SCD5: variants seen among roughly 807,000 people sequenced by gnomAD.
SCD5 encodes the protein stearoyl-CoA desaturase 5.
A neutral mutation model predicts 30.4 loss-of-function variants in SCD5; 20 were observed. The ratio of observed to expected loss-of-function variants is 0.66; its 90% CI spans 0.46 to 0.96. The LOEUF is 0.96. SCD5 is among the 40% of genes least tolerant of loss of function. SCD5 has a pLI of 0.00. For missense variants in SCD5, 381 were observed against 443.3 expected, an observed-to-expected ratio of 0.86 and a Z score of 1.26; for synonymous variants, 173 against 176.4, an observed-to-expected ratio of 0.98 and a Z score of 0.16.
chr4:82,741,862 G>C (rs1434295639), intron 1 of SCD5, among the ~76,000 whole-genome samples: 1 of 133,942 alleles, frequency 7.5e-6, no homozygotes, highest in Non-Finnish European at 1.6e-5. Context: ...GCGGGGGGGG[G>C]GAGTGGGCAG....
chr4:82,796,098 A>G (rs1304315170), intron 1 of SCD5, among the ~76,000 whole-genome samples: 10 of 151,762 alleles, frequency 6.6e-5, no homozygotes, highest in African/African-American at 2.4e-5. Flanking sequence ...GTGAAACCCC[A>G]TCTCTACTAA....
chr4:82,636,518 C>T, intron 4 of SCD5, 73 bp downstream of exon 4: 1 of 1,179,458 alleles, frequency 8.5e-7, no homozygotes, highest in Non-Finnish European at 1.2e-6. Context: ...TTTACTGATT[C>T]CACAAAACTA....
chr4:82,652,588 T>C lies in SCD5; in HGVS notation c.570-15765A>G, dbSNP rs139615146. On this transcript the variant is annotated intron_variant, in intron 3 of 4. Transcript: ENST00000319540. ...CATGCATAGAGATAAGGAAGAGGAA[T>C]TTCATATGCACATAAAAGTGTCTGG... 1.1e-4 allele frequency among the ~76,000 whole-genome samples: 16 copies of C among 152,202 alleles called. No homozygotes were observed. The East Asian group carries it at 3.1e-3, about 29-fold the overall frequency.
intron 1 of SCD5, among the ~76,000 whole-genome samples, chr4:82,728,427 G>A (rs1560545749): frequency 6.6e-6 from 1 of 152,214 alleles, no homozygotes; most frequent in African/African-American, 2.4e-5. Flanking sequence ...ATTCTGATAA[G>A]ATAGGCATAG....
intron 1 of SCD5, among the ~76,000 whole-genome samples, chr4:82,752,032 T>C (rs1721115080): frequency 6.6e-6 from 1 of 152,204 alleles, no homozygotes; most frequent in African/African-American, 2.4e-5. Flanking sequence ...CCCTGGATTG[T>C]GGATTTTAGC....
chr4:82,719,208 A>C (rs2148831620), intron 1 of SCD5, among the ~76,000 whole-genome samples: 1 of 151,908 alleles, frequency 6.6e-6, no homozygotes, highest in African/African-American at 2.4e-5. Context: ...CTTGCATGGC[A>C]ACTTTTTCCA....
chr4:82,693,246 C>G (rs563179691), intron 2 of SCD5, among the ~76,000 whole-genome samples: 1 of 152,174 alleles, frequency 6.6e-6, no homozygotes, highest in East Asian at 1.9e-4. Context: ...TTTGACCTTG[C>G]CCAGCAGTGG....
At chr4:82,725,340 C>T (rs527955753) in intron 1 of SCD5, among the ~76,000 whole-genome samples, 2 of 152,260 alleles carry the variant, frequency 1.3e-5, no homozygotes, top group East Asian at 3.9e-4. Flanking sequence ...AAAGCTATCA[C>T]TCTGTCACCA....
In SCD5 at chr4:82,641,736, G is replaced by T. The variant is rs558265512; in HGVS notation, c.570-4913C>A. 5.9e-5 allele frequency among the ~76,000 whole-genome samples: 9 copies of T among 152,272 alleles called. No individual in the cohort carries two copies. In the East Asian group the frequency reaches 1.7e-3, roughly 29 times the overall value. ...TCATAGGAGGCTGTCACATGATCCA[G>T]GTTAAAGAATATGGTGGCCTGAACC... On this transcript the variant is annotated intron_variant, in intron 3 of 4. Transcript: ENST00000319540.
In SCD5 at chr4:82,798,289, G is replaced by T. The variant is rs770557477; in HGVS notation, c.232+17C>A. On this transcript the variant is annotated intron_variant, in intron 1 of 4. Transcript: ENST00000319540. Reference sequence around the variant, plus strand: ...GGCCACGGAGGCCGGGGCGCAGGGGGCGCCGGCGGGACTTACCCCAGAGCA... The same window carrying T: ...GGCCACGGAGGCCGGGGCGCAGGGGTCGCCGGCGGGACTTACCCCAGAGCA... 3 of 1,554,958 alleles carry T rather than the reference G, an allele frequency of 1.9e-6. No individual in the cohort carries two copies. The highest frequency in any genetic ancestry group is 2.6e-6 in the Non-Finnish European group (3 of 1,151,156).
chr4:82,743,249 C>T (rs1164328087), intron 1 of SCD5, among the ~76,000 whole-genome samples: 2 of 152,198 alleles, frequency 1.3e-5, no homozygotes, highest in African/African-American at 4.8e-5. Context: ...GTGGCTCACA[C>T]CTGCAATCCC....
intron 1 of SCD5, among the ~76,000 whole-genome samples, chr4:82,770,103 T>C (rs1721586025): frequency 6.6e-6 from 1 of 152,204 alleles, no homozygotes. Context: ...GTTACATATG[T>C]ATACATGTGC....
chr4:82,780,863 C>T (rs1477317535), intron 1 of SCD5, among the ~76,000 whole-genome samples: 1 of 152,248 alleles, frequency 6.6e-6, no homozygotes, highest in Non-Finnish European at 1.5e-5. Flanking sequence ...CTGCTGCTTC[C>T]ACAGCGTCAG....
intron 1 of SCD5, among the ~76,000 whole-genome samples, chr4:82,773,021 T>C (rs935026256): frequency 6.6e-6 from 1 of 152,200 alleles, no homozygotes. Context: ...TCAGATCTCA[T>C]AGAACTGCAA....
At chr4:82,743,420 G>A (rs1720918746) in intron 1 of SCD5, among the ~76,000 whole-genome samples, 1 of 152,128 alleles carries the variant, frequency 6.6e-6, no homozygotes, top group African/African-American at 2.4e-5. Context: ...GGAGGGTGAG[G>A]CAGGAGGATC....
intron 1 of SCD5, among the ~76,000 whole-genome samples, chr4:82,730,896 C>T (rs1578042565): frequency 6.6e-6 from 1 of 151,998 alleles, no homozygotes; most frequent in Admixed American, 6.6e-5. Context: ...ATTTTTTCGT[C>T]TTCTATAAAC....
intron 4 of SCD5, among the ~76,000 whole-genome samples, chr4:82,634,043 AT>A (rs1255612093): frequency 6.6e-6 from 1 of 152,212 alleles, no homozygotes; most frequent in Admixed American, 6.5e-5. Context: ...CACATAAAAA[AT>A]GTTTTCAAGG....
At position 82,630,832 on chromosome 4, in the gene SCD5, G is replaced by A. The variant is rs1407546744; in HGVS notation, c.*495C>T. ...AAAAAAAAAAAGTTTTTTTCGGCAG[G>A]GTGCGGTGGCTCACGCCTGTAATCC... is the stretch of plus-strand genomic sequence containing the variant. On this transcript the variant is annotated 3_prime_UTR_variant, in exon 5 of 5. Coordinates refer to ENST00000319540, the MANE Select transcript of SCD5 (RefSeq NM_001037582.3). 1 of 151,486 alleles carries A rather than the reference G, an allele frequency of 6.6e-6. No homozygotes were observed. The highest frequency in any genetic ancestry group is 2.4e-5 in the African/African-American group (1 of 41,172). The allele number at this position is 151,486 out of a possible 1,614,324, so 9.4% of individuals were successfully genotyped here.
At chr4:82,688,855 AAATAAGACTTTTCACTT>A (rs569995204) in intron 2 of SCD5, among the ~76,000 whole-genome samples, 29 of 152,364 alleles carry the variant, frequency 1.9e-4, no homozygotes, top group African/African-American at 6.7e-4. Context: ...GAATGTATTC[AAATAAGACTTTTCACTT>A]TTAAAAAACC....
Sources: gnomAD v4.1 joint callset for allele counts (sites outside exome capture counted in the v4.1 genomes callset) on GRCh38, gnomAD v4.1.1 for gene constraint, MANE v1.5 for transcripts, NCBI Gene and HGNC (gene_info 2026-07-23, HGNC 2026-07-21) for gene names.